Variants in PDE8B observed in about 807,000 individuals in gnomAD.
PDE8B encodes the protein high affinity cAMP-specific and IBMX-insensitive 3',5'-cyclic phosphodiesterase 8B.
PDE8B carries 26 observed loss-of-function variants against 101.3 expected under a neutral mutation model. The ratio of observed to expected loss-of-function variants is 0.26; its 90% CI spans 0.19 to 0.36. The LOEUF is 0.36. Among genes scored for constraint, PDE8B ranks in the 10% least tolerant of loss-of-function variants. The pLI is 1.00. For synonymous variants in PDE8B, 424 were observed against 429.3 expected, an observed-to-expected ratio of 0.99 and a Z score of 0.15; for missense variants, 810 against 1,163.1, an observed-to-expected ratio of 0.70 and a Z score of 4.42.
chr5:77,302,297 C>A (rs1393306702), intron 1 of PDE8B, among the ~76,000 whole-genome samples: 1 of 152,236 alleles, frequency 6.6e-6, no homozygotes, highest in Non-Finnish European at 1.5e-5. Flanking sequence ...AGCATCCCCC[C>A]TCCACTGGCA....
At chr5:77,175,349 C>A in the PDE8B span, among the ~76,000 whole-genome samples, 7 of 152,210 alleles carry the variant, frequency 4.6e-5, no homozygotes, top group Middle Eastern at 3.2e-3. Flanking sequence ...TCCTCCCTGG[C>A]CTGGACTGTT....
intron 1 of PDE8B, among the ~76,000 whole-genome samples, chr5:77,276,038 A>G (rs1763793686): frequency 6.6e-6 from 1 of 152,194 alleles, no homozygotes; most frequent in Non-Finnish European, 1.5e-5. Flanking sequence ...CTGTGTGACG[A>G]ATTGCCTGAA....
intron 20 of PDE8B, among the ~76,000 whole-genome samples, chr5:77,423,632 GTTTTTTT>G (rs71594634): frequency 4.2e-3 from 314 of 74,024 alleles, no homozygotes; most frequent in African/African-American, 0.014. Flanking sequence ...GTTTTGTTTA[GTTTTTTT>G]TTTTTTTTTT....
chr5:77,144,992 C>A, the PDE8B span: 1 of 151,994 alleles, frequency 6.6e-6, no homozygotes, highest in Non-Finnish European at 1.5e-5. Flanking sequence ...CCCTAAACGA[C>A]TAAAAATGAA....
At chr5:77,129,554 G>C in the PDE8B span, among the ~76,000 whole-genome samples, 798 of 152,296 alleles carry the variant, frequency 5.2e-3, 4 homozygotes, top group Non-Finnish European at 6.6e-3. Flanking sequence ...TTTAACCAGA[G>C]GGTATCAGGG....
intron 10 of PDE8B, among the ~76,000 whole-genome samples, chr5:77,386,865 CTTTTTTTTTTTTTTT>C (rs59393259): frequency 7.8e-5 from 4 of 51,060 alleles, no homozygotes; most frequent in Admixed American, 2.9e-4. Flanking sequence ...GATGTAGTTT[CTTTTTTTTTTTTTTT>C]TTTTTTTTTT....
At chr5:77,331,328 T>C (rs1777081033) in intron 4 of PDE8B, 74 bp from the exon 5 acceptor site, 2 of 1,325,884 alleles carry the variant, frequency 1.5e-6, no homozygotes, top group Middle Eastern at 1.9e-4. Context: ...GCCTCATTGC[T>C]CTCTCTCCGT....
At chr5:77,142,337 C>T in the PDE8B span, 1 of 152,148 alleles carries the variant, frequency 6.6e-6, no homozygotes, top group African/African-American at 2.4e-5. Context: ...GTACACTAAA[C>T]TGCACTTATT....
At chr5:77,187,380 A>G in the PDE8B span, among the ~76,000 whole-genome samples, 1 of 152,182 alleles carries the variant, frequency 6.6e-6, no homozygotes, top group African/African-American at 2.4e-5. Context: ...CTACAGCTAG[A>G]TTTATGTTTC....
chr5:77,143,328 T>A, the PDE8B span, among the ~76,000 whole-genome samples: 9 of 152,208 alleles, frequency 5.9e-5, no homozygotes, highest in Non-Finnish European at 1.0e-4. Context: ...TATAACATTG[T>A]TTTTATGGAA....
At chr5:77,248,637 T>C (rs993318713) in intron 1 of PDE8B, among the ~76,000 whole-genome samples, 2 of 152,186 alleles carry the variant, frequency 1.3e-5, no homozygotes, top group Admixed American at 6.5e-5. Flanking sequence ...ACTTGCAGAA[T>C]CCGGCTTGTC....
chr5:77,281,186 C>G (rs1764908813), intron 1 of PDE8B, among the ~76,000 whole-genome samples: 1 of 152,194 alleles, frequency 6.6e-6, no homozygotes, highest in Non-Finnish European at 1.5e-5. Flanking sequence ...TTCTGTTTGC[C>G]TGGTGCTGGA....
chr5:77,153,267 T>A, the PDE8B span, among the ~76,000 whole-genome samples: 1 of 152,076 alleles, frequency 6.6e-6, no homozygotes, highest in East Asian at 1.9e-4. Flanking sequence ...TTTTATAATT[T>A]AAAAAAAGGG....
chr5:77,295,899 G>A (rs1332790074), intron 1 of PDE8B, among the ~76,000 whole-genome samples: 2 of 152,154 alleles, frequency 1.3e-5, no homozygotes, highest in Non-Finnish European at 2.9e-5. Flanking sequence ...AAGATGTTAC[G>A]AGAAACAACC....
chr5:77,328,153 A>T (rs1249129305), intron 3 of PDE8B, among the ~76,000 whole-genome samples: 1 of 152,192 alleles, frequency 6.6e-6, no homozygotes, highest in African/African-American at 2.4e-5. Context: ...CCAGACCAAG[A>T]GAATAGGTCA....
intron 11 of PDE8B, among the ~76,000 whole-genome samples, chr5:77,404,293 A>G (rs1258401915): frequency 6.6e-6 from 1 of 150,882 alleles, no homozygotes; most frequent in Non-Finnish European, 1.5e-5. Context: ...GCCTAATTTT[A>G]TGTATTTTTT....
chr5:77,404,901 C>T (rs891197314), intron 12 of PDE8B, 104 bp downstream of exon 12: 1 of 727,864 alleles, frequency 1.4e-6, no homozygotes, highest in Non-Finnish European at 2.5e-6. Flanking sequence ...AGTAAGAGTT[C>T]AACAACACCG....
intron 3 of PDE8B, 44 bp downstream of exon 3, chr5:77,325,773 A>G (rs1775939028): frequency 7.7e-7 from 1 of 1,291,730 alleles, no homozygotes; most frequent in East Asian, 2.3e-5. Flanking sequence ...TTCACTTTAC[A>G]TCTTAAAACG....
At chr5:77,274,714 A>T (rs1225592348) in intron 1 of PDE8B, among the ~76,000 whole-genome samples, 1 of 152,230 alleles carries the variant, frequency 6.6e-6, no homozygotes, top group East Asian at 1.9e-4. Context: ...GAGGAAAAAC[A>T]GATGGGAAAA....
Sources: allele counts gnomAD v4.1 joint callset (sites outside exome capture counted in the v4.1 genomes callset), GRCh38; gene constraint gnomAD v4.1.1; transcripts MANE v1.5; gene names NCBI Gene and HGNC (gene_info 2026-07-23, HGNC 2026-07-21).